Variants in HDX observed in about 807,000 individuals in gnomAD.
HDX encodes the protein highly divergent homeobox.
Under a neutral mutation model 45.2 loss-of-function variants are expected in HDX, and 19 were observed. That is an observed-to-expected ratio of 0.42 (90% CI 0.29 to 0.62). HDX has a LOEUF of 0.62. Ranked by LOEUF, HDX falls within the 20% of genes least tolerant of loss-of-function variation. The pLI, the probability that HDX is intolerant of heterozygous loss-of-function variation, is 0.20. For synonymous variants in HDX, 188 were observed against 172.8 expected (o/e 1.09, Z -0.69); for missense variants, 532 against 493.9 (o/e 1.08, Z -0.73).
intron 5 of HDX, among the ~76,000 whole-genome samples, chrX:84,418,295 AAT>A (rs2039162226): frequency 8.9e-6 from 1 of 112,426 alleles, no homozygotes; most frequent in African/African-American, 3.2e-5. Context: ...ACAAACTTAA[AAT>A]AATCTCAAAG....
chrX:84,344,675 A>G (rs2037159759), intron 6 of HDX, among the ~76,000 whole-genome samples: 1 of 111,284 alleles, frequency 9.0e-6, no homozygotes, highest in Admixed American at 9.6e-5. Context: ...TAATAATTGT[A>G]CCTGGTTATG....
At chrX:84,467,018 A>G (rs762399134) in intron 4 of HDX, among the ~76,000 whole-genome samples, 1 of 111,384 alleles carries the variant, frequency 9.0e-6, no homozygotes, top group Non-Finnish European at 1.9e-5. Flanking sequence ...ACAAAAGAGT[A>G]GGTGAATGAA....
chrX:84,426,210 G>T (rs1417496851), intron 5 of HDX, among the ~76,000 whole-genome samples: 1 of 111,143 alleles, frequency 9.0e-6, no homozygotes, highest in Non-Finnish European at 1.9e-5. Flanking sequence ...TACACTAGGA[G>T]TGAGAATGTA....
intron 7 of HDX, among the ~76,000 whole-genome samples, chrX:84,343,954 A>G (rs1441483886): frequency 1.8e-5 from 2 of 110,923 alleles, no homozygotes; most frequent in Non-Finnish European, 3.8e-5. Flanking sequence ...TACTGCTCTG[A>G]CCTAAATTGA....
At chrX:84,449,758 G>A (rs1361912800) in intron 4 of HDX, among the ~76,000 whole-genome samples, 1 of 111,463 alleles carries the variant, frequency 9.0e-6, no homozygotes, top group African/African-American at 3.3e-5. Flanking sequence ...CATGAGAAAG[G>A]GAAAAGACTC....
At chrX:84,381,548 C>G (rs2038188014) in intron 5 of HDX, among the ~76,000 whole-genome samples, 1 of 111,243 alleles carries the variant, frequency 9.0e-6, no homozygotes, top group Admixed American at 9.6e-5. Context: ...ATCCAATCCA[C>G]ACACCTGCAG....
intron 5 of HDX, among the ~76,000 whole-genome samples, chrX:84,383,871 G>A (rs2038246086): frequency 9.0e-6 from 1 of 111,445 alleles, no homozygotes; most frequent in Non-Finnish European, 1.9e-5. Context: ...TTACTGCAAA[G>A]GACATGATTT....
rs915942984 is a variant in HDX at position 84,385,129 on chromosome X, AATG to A, written c.1306-23520_1306-23518del. Among the ~76,000 whole-genome samples, 11 of 100,932 alleles carry A rather than the reference AATG, an allele frequency of 1.1e-4. 1 individual carries two copies. The highest frequency in any genetic ancestry group is 2.0e-4 in the Non-Finnish European group (10 of 50,443). The allele number at this position is 100,932 out of a possible 115,157, so 87.6% of individuals were successfully genotyped here. On this transcript the variant is annotated intron_variant, in intron 5 of 10. Transcript: ENST00000373177. ...TTGCTTTGGGTGATGTGGCCATTTT[AATG>A]ATATTGATTTTTCCAATTCATGAGC...
rs911604623 is a variant in HDX, at chrX:84,349,540, C to A, written c.1453-5083G>T. Among the ~76,000 whole-genome samples the A allele has an allele frequency of 2.8e-3, 234 of 84,812 alleles. 2 individuals carry two copies. Among genetic ancestry groups the A allele is most frequent in the African/African-American group, 0.01 (225 of 22,327 alleles). 73.6% of individuals were successfully genotyped at this position (84,812 alleles called of 115,157 possible). A position where few individuals can be genotyped will look rare whatever the true frequency, so the allele number is the denominator to read the frequency against. On this transcript the variant is annotated intron_variant, in intron 6 of 10. Transcript: ENST00000373177. Reference sequence around the variant, plus strand: ...ATGTGTGTGTGTATATATATATATACACACATACATAAGCATATAGATGTA... The same window carrying A: ...ATGTGTGTGTGTATATATATATATAAACACATACATAAGCATATAGATGTA...
At chrX:84,326,682 C>T (rs891531530) in intron 9 of HDX, among the ~76,000 whole-genome samples, 1 of 110,617 alleles carries the variant, frequency 9.0e-6, no homozygotes, top group Non-Finnish European at 1.9e-5. Context: ...GAGGCCGAGG[C>T]GGGTGGATCA....
intron 5 of HDX, among the ~76,000 whole-genome samples, chrX:84,403,399 A>C (rs113283513): frequency 0.25 from 27,996 of 110,613 alleles, 2,683 homozygotes; most frequent in Non-Finnish European, 0.3. Flanking sequence ...CAAAATTATC[A>C]TTTGGGAGCT....
At chrX:84,447,294 C>T (rs1385926099) in intron 4 of HDX, among the ~76,000 whole-genome samples, 1 of 111,469 alleles carries the variant, frequency 9.0e-6, no homozygotes, top group African/African-American at 3.3e-5. Context: ...TTGAATAGAT[C>T]ACCTAATAGA....
At chrX:84,439,969 G>A (rs1210040340) in intron 5 of HDX, 1 of 111,241 alleles carries the variant, frequency 9.0e-6, no homozygotes, top group African/African-American at 3.3e-5. Context: ...AAAATCTCCT[G>A]GGATATTTGC....
intron 4 of HDX, among the ~76,000 whole-genome samples, chrX:84,449,163 A>T (rs1037814125): frequency 1.8e-5 from 2 of 110,622 alleles, no homozygotes; most frequent in African/African-American, 6.6e-5. Context: ...GACACACAGA[A>T]TACCATAAAG....
chrX:84,434,096 T>G (rs2039565224), intron 5 of HDX, among the ~76,000 whole-genome samples: 1 of 111,544 alleles, frequency 9.0e-6, no homozygotes, highest in African/African-American at 3.2e-5. Context: ...AGTCTTTAAG[T>G]TTTTCTATGT....
intron 3 of HDX, among the ~76,000 whole-genome samples, chrX:84,474,342 A>G (rs1467754733): frequency 8.9e-6 from 1 of 112,631 alleles, no homozygotes; most frequent in Non-Finnish European, 1.9e-5. Context: ...ATTTTTGTCT[A>G]GAATTGGTGG....
chrX:84,373,747 T>C (rs760062143), intron 5 of HDX, among the ~76,000 whole-genome samples: 1 of 111,588 alleles, frequency 9.0e-6, no homozygotes, highest in South Asian at 3.8e-4. Flanking sequence ...TAGGTATTAA[T>C]GGGACTTATC....
At chrX:84,357,608 G>A (rs944617057) in intron 6 of HDX, among the ~76,000 whole-genome samples, 8 of 111,570 alleles carry the variant, frequency 7.2e-5, no homozygotes, top group Non-Finnish European at 1.5e-4. Flanking sequence ...AAATCTTAAA[G>A]AGATTTTTTT....
chrX:84,440,189 C>G (rs41300185), intron 5 of HDX: 30,783 of 134,427 alleles, frequency 0.23, 2,851 homozygotes, highest in Non-Finnish European at 0.28. Flanking sequence ...TGAAATTATG[C>G]AGTACTGATT....
Sources: gnomAD v4.1 joint callset for allele counts (sites outside exome capture counted in the v4.1 genomes callset) on GRCh38, gnomAD v4.1.1 for gene constraint, MANE v1.5 for transcripts, NCBI Gene and HGNC (gene_info 2026-07-23, HGNC 2026-07-21) for gene names.